Variants in HDAC9 observed in about 807,000 individuals in gnomAD.
HDAC9 encodes the protein histone deacetylase 9.
In HDAC9, 41 loss-of-function variants were observed where a neutral mutation model predicts 139.4. The ratio of observed to expected loss-of-function variants is 0.29; its 90% confidence interval spans 0.23 to 0.38. The LOEUF is 0.38. Ranked by LOEUF, HDAC9 falls within the 10% of genes least tolerant of loss-of-function variation. The pLI is 1.00. For missense variants in HDAC9, 1,147 were observed against 1,297.0 expected (o/e 0.88, Z 1.78); for synonymous variants, 517 against 476.2 (o/e 1.09, Z -1.12).
chr7:18,972,516 G>A lies in HDAC9; in HGVS notation c.3023-3290G>A, dbSNP rs564341787. ...CTGCCTCAGCCTCCGGAGTAGCCAG[G>A]ATTATAGGCATGCACCACCACGCCT... is the stretch of plus-strand genomic sequence containing the variant. On this transcript the variant is annotated intron_variant, in intron 24 of 25. Coordinates refer to ENST00000686413, the MANE Select transcript of HDAC9 (RefSeq NM_178425.4). 5.3e-3 allele frequency among the ~76,000 whole-genome samples: 811 copies of A among 151,964 alleles called. 4 individuals are homozygous for A. The highest frequency in any genetic ancestry group is 7.7e-3 in the Non-Finnish European group (523 of 67,988).
chr7:18,732,123 G>T (rs529432687), intron 13 of HDAC9, among the ~76,000 whole-genome samples: 1 of 152,334 alleles, frequency 6.6e-6, no homozygotes, highest in African/African-American at 2.4e-5. Context: ...GCCTCCCAAA[G>T]TGCTGGGATT....
chr7:18,686,882 TCA>T (rs1209510462), intron 12 of HDAC9, among the ~76,000 whole-genome samples: 1 of 151,902 alleles, frequency 6.6e-6, no homozygotes, highest in African/African-American at 2.4e-5. Context: ...TAATTGCTTA[TCA>T]CACATCAGAA....
At chr7:18,231,833 C>T (rs532886031) in intron 2 of HDAC9, among the ~76,000 whole-genome samples, 54 of 152,254 alleles carry the variant, frequency 3.5e-4, no homozygotes, top group South Asian at 3.1e-3. Flanking sequence ...AAGTACTACT[C>T]GATTTGAGTG....
intron 17 of HDAC9, among the ~76,000 whole-genome samples, chr7:18,825,994 G>A (rs1406721766): frequency 1.3e-5 from 2 of 151,660 alleles, no homozygotes; most frequent in Non-Finnish European, 2.9e-5. Flanking sequence ...TTATACAAAT[G>A]TAACATGTTA....
At chr7:18,902,446 T>G (rs1801817202) in intron 22 of HDAC9, among the ~76,000 whole-genome samples, 1 of 152,106 alleles carries the variant, frequency 6.6e-6, no homozygotes, top group South Asian at 2.1e-4. Context: ...CAGGAATAAC[T>G]CTCTGTGTTT....
chr7:18,704,490 T>G (rs997918797), intron 12 of HDAC9, among the ~76,000 whole-genome samples: 10 of 152,232 alleles, frequency 6.6e-5, no homozygotes, highest in African/African-American at 2.4e-4. Context: ...GTTTGGAATC[T>G]CCTTAAGTGA....
chr7:18,645,072 T>A (rs1451180942), intron 9 of HDAC9, among the ~76,000 whole-genome samples: 1 of 152,084 alleles, frequency 6.6e-6, no homozygotes, highest in Non-Finnish European at 1.5e-5. Flanking sequence ...ATTATTTTAA[T>A]AGCTCCACAC....
At chr7:18,392,629 T>C (rs943351762) in intron 1 of HDAC9, among the ~76,000 whole-genome samples, 3 of 152,158 alleles carry the variant, frequency 2.0e-5, no homozygotes, top group African/African-American at 7.2e-5. Flanking sequence ...TGGTAAGAGA[T>C]TGACCTCTGT....
At chr7:18,727,799 GC>G in intron 13 of HDAC9, 42 bp downstream of exon 13, 1 of 1,369,148 alleles carries the variant, frequency 7.3e-7, no homozygotes, top group Non-Finnish European at 9.7e-7. Flanking sequence ...CAGGCTAAAT[GC>G]CCCGTTCTTG....
At chr7:18,433,361 C>G (rs1221760741) in intron 1 of HDAC9, among the ~76,000 whole-genome samples, 2 of 152,180 alleles carry the variant, frequency 1.3e-5, no homozygotes, top group East Asian at 1.9e-4. Flanking sequence ...TTCACCACTC[C>G]TATTTGACAT....
chr7:18,817,902 G>C (rs1336903588), intron 17 of HDAC9, among the ~76,000 whole-genome samples: 1 of 152,046 alleles, frequency 6.6e-6, no homozygotes, highest in Non-Finnish European at 1.5e-5. Flanking sequence ...AATATCCTCA[G>C]TCATTCTTCT....
chr7:18,999,174 G>T lies in HDAC9; in HGVS notation c.*3112G>T, dbSNP rs1308147781. ...ATCACATTTCCATTACCAATCCTGG[G>T]GATGGAAATATTGCCTTCAGTTTTT... On this transcript the variant is annotated 3_prime_UTR_variant, in exon 26 of 26. Transcript: ENST00000686413. 6.6e-6 allele frequency: 1 copy of T among 152,094 alleles called. No homozygotes were observed. The highest frequency in any genetic ancestry group is 2.4e-5 in the African/African-American group (1 of 41,402). The allele number at this position is 152,094 out of a possible 1,614,324, so 9.4% of individuals were successfully genotyped here.
At chr7:18,606,196 T>C (rs1835456228) in intron 6 of HDAC9, among the ~76,000 whole-genome samples, 1 of 152,244 alleles carries the variant, frequency 6.6e-6, no homozygotes, top group South Asian at 2.1e-4. Flanking sequence ...AATTCTCTGA[T>C]AGATCTACGA....
intron 2 of HDAC9, among the ~76,000 whole-genome samples, chr7:18,555,699 C>T (rs530455277): frequency 3.2e-4 from 49 of 152,050 alleles, no homozygotes; most frequent in Non-Finnish European, 6.3e-4. Flanking sequence ...TTATTATTTC[C>T]TAATTTCTAC....
chr7:18,086,898 C>G (rs993437555), upstream of HDAC9: 13 of 144,836 alleles, frequency 9.0e-5, no homozygotes, highest in African/African-American at 2.5e-4. Context: ...CCCGAGCCCC[C>G]CCCGCGCGGC....
chr7:18,666,656 T>A (rs1794970118), intron 12 of HDAC9, 180 bp downstream of exon 12: 5 of 1,390,092 alleles, frequency 3.6e-6, no homozygotes, highest in Non-Finnish European at 4.7e-6. Flanking sequence ...TATAGAGGTC[T>A]TTCTATATAC....
intron 25 of HDAC9, among the ~76,000 whole-genome samples, chr7:18,995,728 A>G (rs1786412458): frequency 6.6e-6 from 1 of 152,178 alleles, no homozygotes; most frequent in Non-Finnish European, 1.5e-5. Flanking sequence ...TTTTTTCAAT[A>G]AATTATTGAA....
intron 2 of HDAC9, among the ~76,000 whole-genome samples, chr7:18,163,444 C>T (rs944403892): frequency 2.6e-5 from 4 of 152,276 alleles, no homozygotes; most frequent in Middle Eastern, 3.4e-3. Flanking sequence ...TGACATCACT[C>T]GGAGAGTTTG....
chr7:18,624,129 C>T (rs1242225815), intron 6 of HDAC9, among the ~76,000 whole-genome samples: 1 of 152,156 alleles, frequency 6.6e-6, no homozygotes, highest in Non-Finnish European at 1.5e-5. Flanking sequence ...GTGTCACTCA[C>T]TGTACCTTGG....
Sources: gnomAD v4.1 joint callset for allele counts (sites outside exome capture counted in the v4.1 genomes callset) on GRCh38, gnomAD v4.1.1 for gene constraint, MANE v1.5 for transcripts, NCBI Gene and HGNC (gene_info 2026-07-23, HGNC 2026-07-21) for gene names.